Variants in PTK2B observed in about 807,000 individuals in gnomAD.
PTK2B encodes the protein protein-tyrosine kinase 2-beta.
PTK2B carries 71 observed loss-of-function variants against 142.9 expected under a neutral mutation model. The observed-to-expected ratio is 0.50, with a 90% CI of 0.41 to 0.61. PTK2B has a LOEUF of 0.61. Ranked by LOEUF, PTK2B falls within the 20% of genes least tolerant of loss-of-function variation. The probability of loss-of-function intolerance (pLI) is 0.00; values close to 1 mark genes in which losing one functional copy is unlikely to be tolerated. For synonymous variants in PTK2B, 519 were observed against 503.4 expected (o/e 1.03, Z -0.42); for missense variants, 1,105 against 1,320.4 (o/e 0.84, Z 2.53).
intron 1 of PTK2B, among the ~76,000 whole-genome samples, chr8:27,351,032 T>TATATATAC (rs1805057735): frequency 1.1e-5 from 1 of 90,434 alleles, no homozygotes; most frequent in African/African-American, 5.0e-5. Context: ...TATATATATA[T>TATATATAC]ATATATATAC....
At position 27,454,557 on chromosome 8, in the gene PTK2B, C is replaced by T; in HGVS notation, c.2760C>T (p.Leu920=). Residue 920 remains leucine (L), a synonymous_variant, in exon 30 of 31, where the codon CTC becomes CTT. Transcript: ENST00000346049. ...ATGTGGGGCTGACCCTGCGGAAGCT[C>T]ATCGGGAGCGTGGATGATCTCCTGC... ...VKNVGLTLRK[L]IGSVDDLLPS... 6.2e-7 allele frequency: 1 copy of T among 1,614,226 alleles called. No individual in the cohort carries two copies.
At chr8:27,357,747 T>A (rs1445356781) in intron 1 of PTK2B, among the ~76,000 whole-genome samples, 1 of 152,222 alleles carries the variant, frequency 6.6e-6, no homozygotes, top group African/African-American at 2.4e-5. Context: ...TGCTCTGGCA[T>A]AATAGAAAAT....
intron 1 of PTK2B, among the ~76,000 whole-genome samples, chr8:27,351,401 A>G (rs1205101842): frequency 6.6e-6 from 1 of 152,056 alleles, no homozygotes; most frequent in Non-Finnish European, 1.5e-5. Context: ...CTGGGATTGT[A>G]GAAATGTTCC....
chr8:27,369,914 T>G (rs1389286695), intron 1 of PTK2B, among the ~76,000 whole-genome samples: 1 of 147,576 alleles, frequency 6.8e-6, no homozygotes, highest in African/African-American at 2.5e-5. Context: ...GAGGCGGAGG[T>G]TGCAGTGAGC....
rs1410391813 is a variant in PTK2B at position 27,397,561 on chromosome 8, C to T, written c.-24C>T. The stretch of plus-strand genomic sequence containing the variant: ...CTGTCTCTGCAGGACTGCAATGTGC[C>T]GATCTTAGCTGCTGCCTGAGAGGAT... On this transcript the variant is annotated 5_prime_UTR_variant, in exon 2 of 31. An upstream open reading frame in the 5' UTR gains an earlier in-frame stop. Transcript: ENST00000346049. 5.6e-6 allele frequency: 9 copies of T among 1,610,756 alleles called. No individual in the cohort carries two copies. Among genetic ancestry groups the T allele is most frequent in the Middle Eastern group, 2.1e-4 (1 of 4,878 alleles).
Position 27,435,797 on chromosome 8 carries a change from G to T in PTK2B, c.1243+4G>T, listed in dbSNP as rs1810738359. 1 of 1,613,816 alleles carries T rather than the reference G, an allele frequency of 6.2e-7. No homozygotes were observed. The highest frequency in any genetic ancestry group is 1.3e-5 in the African/African-American group (1 of 74,946). Reference sequence around the variant, plus strand: ...GAAACCCTGCGAAGGCCCGGAGGTAGGTTCTCGACCCCGCCACAGCGACCG... The same window carrying T: ...GAAACCCTGCGAAGGCCCGGAGGTATGTTCTCGACCCCGCCACAGCGACCG... On this transcript the variant is annotated splice_donor_region_variant and intron_variant, in intron 14 of 30. Transcript: ENST00000346049.
Position 27,433,469 on chromosome 8 carries a change from C to T in PTK2B, c.1022C>T (p.Ala341Val), listed in dbSNP as rs1426455091. The change falls in exon 11 of 31, where the codon GCT becomes GTT. Residue 341 changes from alanine to valine, a missense_variant. Transcript: ENST00000346049. ...LSIKTSSLAE[A>V]ENMADLIDGY... ...ATCAAAACCTCATCCCTAGCAGAGGCTGAGAACATGGCTGACCTCATAGAC... is the reference window on the plus strand; with the variant it reads ...ATCAAAACCTCATCCCTAGCAGAGGTTGAGAACATGGCTGACCTCATAGAC... The T allele has an allele frequency of 2.5e-6, 4 of 1,614,096 alleles. No homozygotes were observed. In the African/African-American group the frequency reaches 5.3e-5, roughly 22 times the overall value.
At chr8:27,433,295 A>C in intron 10 of PTK2B, 140 bp from the exon 11 acceptor site, 10 of 696,356 alleles carry the variant, frequency 1.4e-5, no homozygotes, top group Non-Finnish European at 2.5e-5. Context: ...ACTCCAGGGC[A>C]GGGCCCCAGG....
Position 27,458,522 on chromosome 8 carries a change from GC to G in PTK2B, c.*15del. ...ACCTGCAGAGTGACGGAGGGTGGGG[GC>G]CACCTGCCTGCGTCTTCCGCCCCTG... On this transcript the variant is annotated 3_prime_UTR_variant, in exon 31 of 31. Transcript: ENST00000346049. The G allele has an allele frequency of 6.4e-7, 1 of 1,554,510 alleles. No homozygotes were observed. Among genetic ancestry groups the G allele is most frequent in the South Asian group, 1.2e-5 (1 of 84,674 alleles).
intron 1 of PTK2B, among the ~76,000 whole-genome samples, chr8:27,350,966 T>A (rs1805018944): frequency 2.9e-5 from 2 of 69,858 alleles, no homozygotes; most frequent in Non-Finnish European, 5.2e-5. Flanking sequence ...ACAGAGAAAG[T>A]CTCCGTCTCA....
intron 1 of PTK2B, among the ~76,000 whole-genome samples, chr8:27,367,409 C>G (rs529427290): frequency 6.6e-6 from 1 of 152,110 alleles, no homozygotes; most frequent in Non-Finnish European, 1.5e-5. Context: ...AGCCCAGGTG[C>G]GGGGTGTCTG....
intron 3 of PTK2B, among the ~76,000 whole-genome samples, chr8:27,317,887 A>G (rs1329617811): frequency 6.6e-6 from 1 of 152,252 alleles, no homozygotes; most frequent in Non-Finnish European, 1.5e-5. Context: ...CAACTTGGCA[A>G]CTGGACACAA....
intron 1 of PTK2B, among the ~76,000 whole-genome samples, chr8:27,390,762 G>T (rs959365734): frequency 6.6e-6 from 1 of 152,182 alleles, no homozygotes; most frequent in Non-Finnish European, 1.5e-5. Flanking sequence ...CAAGGAGTTT[G>T]CAGAAGTAAT....
intron 3 of PTK2B, among the ~76,000 whole-genome samples, chr8:27,314,098 A>G (rs941342629): frequency 6.6e-6 from 1 of 152,254 alleles, no homozygotes; most frequent in African/African-American, 2.4e-5. Context: ...AGAGGCCAAG[A>G]AAAATCTAGA....
In PTK2B at chr8:27,433,442, C is replaced by G. The variant is rs761921258; in HGVS notation, c.995C>G (p.Ser332Cys). The G allele has an allele frequency of 1.2e-6, 2 of 1,613,730 alleles. No homozygotes were observed. Among genetic ancestry groups the G allele is most frequent in the East Asian group, 4.5e-5 (2 of 44,876 alleles). ...CTGGTCTCTGCTCCGCAGGCCTTGT[C>G]CATCAAAACCTCATCCCTAGCAGAG... Reference protein sequence around the residue: ...LGIEGAPQALSIKTSSLAEAE... With the variant: ...LGIEGAPQALCIKTSSLAEAE... The change falls in exon 11 of 31, where the codon TCC becomes TGC. Residue 332 changes from serine (S) to cysteine (C), a missense_variant. Ser to Cys is a moderately radical substitution (Grantham distance 112). Transcript: ENST00000346049.
intron 1 of PTK2B, among the ~76,000 whole-genome samples, chr8:27,331,995 C>G (rs1192884202): frequency 3.3e-5 from 5 of 152,170 alleles, no homozygotes; most frequent in African/African-American, 1.2e-4. Context: ...GCACTTTGCA[C>G]CTCTGCAGAG....
chr8:27,456,401 C>T (rs1812142550), intron 30 of PTK2B, among the ~76,000 whole-genome samples: 1 of 152,128 alleles, frequency 6.6e-6, no homozygotes, highest in Non-Finnish European at 1.5e-5. Flanking sequence ...GATTGGTGAT[C>T]AGCGATGTTA....
chr8:27,430,846 A>C (rs1283038320), intron 7 of PTK2B, 30 bp from the exon 8 acceptor site: 12 of 1,608,738 alleles, frequency 7.5e-6, no homozygotes, highest in Non-Finnish European at 1.0e-5. Flanking sequence ...AGGAGCAGGC[A>C]TTGCTCACAC....
intron 3 of PTK2B, among the ~76,000 whole-genome samples, chr8:27,314,552 G>C (rs1245997166): frequency 6.6e-6 from 1 of 152,216 alleles, no homozygotes; most frequent in African/African-American, 2.4e-5. Context: ...ATAGGGCGTA[G>C]GCCAAGTAAA....
Sources: gnomAD v4.1 joint callset for allele counts (sites outside exome capture counted in the v4.1 genomes callset) on GRCh38, gnomAD v4.1.1 for gene constraint, MANE v1.5 for transcripts, NCBI Gene and HGNC (gene_info 2026-07-23, HGNC 2026-07-21) for gene names.